RCOR3: variants seen among roughly 807,000 people sequenced by gnomAD.
RCOR3 encodes the protein REST corepressor 3.
Under a neutral mutation model 64.1 loss-of-function variants are expected in RCOR3, and 13 were observed. That is an observed-to-expected ratio of 0.20 (90% confidence interval 0.13 to 0.32). The LOEUF (loss-of-function observed/expected upper bound fraction) is 0.32, where lower values mean the gene tolerates loss of function less well. Among genes scored for constraint, RCOR3 ranks in the 10% least tolerant of loss-of-function variants. The pLI is 1.00. For synonymous variants in RCOR3, 215 were observed against 239.0 expected (o/e 0.90, Z 0.93); for missense variants, 489 against 701.2 (o/e 0.70, Z 3.42).
Position 211,259,669 on chromosome 1 carries a change from A to C in RCOR3, c.109A>C (p.Asn37His). The C allele has an allele frequency of 6.5e-7, 1 of 1,545,928 alleles. No individual in the cohort carries two copies. The highest frequency in any genetic ancestry group is 8.7e-7 in the Non-Finnish European group (1 of 1,144,922). The change falls in exon 1 of 12, where the codon AAC (asparagine) becomes CAC (histidine). Residue 37 changes from asparagine to histidine, a missense_variant. This residue lies in a region of RCOR3 where 87 missense variants were observed against 84.3 expected (regional missense o/e 1.03). Coordinates refer to ENST00000419091, the MANE Select transcript of RCOR3 (RefSeq NM_001136223.3). ...GGGGSGASST[N>H]GGLHYSEPES... ...CGGCGGCAGCGGCGCCTCGTCCACC[A>C]ACGGCGGGCTGCACTACTCAGAGCC...
At position 211,316,304 on chromosome 1, in the gene RCOR3, G is replaced by A. The variant is rs1275611110; in HGVS notation, c.*2536G>A. On this transcript the variant is annotated 3_prime_UTR_variant, in exon 12 of 12. Transcript: ENST00000419091. ...TGTAATATGGATGAGGTAAGAGTAA[G>A]TTATGATCAAACTTTTTATGTTCTT... The A allele has an allele frequency of 6.6e-6, 1 of 152,162 alleles. No homozygotes were observed. The highest frequency in any genetic ancestry group is 1.5e-5 in the Non-Finnish European group (1 of 68,018). 9.4% of individuals were successfully genotyped at this position (152,162 alleles called of 1,614,324 possible). A position where few individuals can be genotyped will look rare whatever the true frequency, so the allele number is the denominator to read the frequency against.
At chr1:211,277,354 G>T (rs1317942729) in intron 5 of RCOR3, among the ~76,000 whole-genome samples, 1 of 151,694 alleles carries the variant, frequency 6.6e-6, no homozygotes, top group Non-Finnish European at 1.5e-5. Context: ...ATTTTTGGTG[G>T]GGAAGTTGCA....
intron 4 of RCOR3, among the ~76,000 whole-genome samples, chr1:211,275,072 G>C (rs1204763566): frequency 6.6e-6 from 1 of 150,928 alleles, no homozygotes. Flanking sequence ...ACAAATATAT[G>C]GTACATTACC....
In RCOR3 at chr1:211,313,458, C is replaced by T; in HGVS notation, c.1352C>T (p.Pro451Leu). The stretch of plus-strand genomic sequence containing the variant: ...CCACAGGCTCCTCGGACACTGGGTC[C>T]ATCACCTCCTGCCCCATCATCCACT... ...QTPQAPRTLG[P>L]SPPAPSSTPT... The change falls in exon 12 of 12, where the codon CCA (proline) becomes CTA (leucine). Residue 451 changes from proline to leucine, a missense_variant. By Grantham distance (98) the Pro-to-Leu change is moderately conservative. Coordinates refer to ENST00000419091, the MANE Select transcript of RCOR3 (RefSeq NM_001136223.3). This position sits in a 1 kb window ranked among gnomAD's most constrained non-coding sequence, Gnocchi z 4.7. 1 of 1,614,000 alleles carries T rather than the reference C, an allele frequency of 6.2e-7. No individual in the cohort carries two copies. Among genetic ancestry groups the T allele is most frequent in the Non-Finnish European group, 8.5e-7 (1 of 1,179,926 alleles).
At chr1:211,274,857 C>G (rs1696732375) in intron 4 of RCOR3, among the ~76,000 whole-genome samples, 1 of 151,628 alleles carries the variant, frequency 6.6e-6, no homozygotes, top group African/African-American at 2.4e-5. Flanking sequence ...AAGAAATTAT[C>G]TCAATATTTT....
At position 211,296,737 on chromosome 1, in the gene RCOR3, C is replaced by T. The variant is rs569522019; in HGVS notation, c.1017+984C>T. Among the ~76,000 whole-genome samples, 13 of 152,226 alleles carry T rather than the reference C, an allele frequency of 8.5e-5. No homozygotes were observed. In the South Asian group the frequency reaches 2.7e-3, roughly 32 times the overall value. ...AAAAATAATACAAAGACTGATATCT[C>T]ATTCCTTGACCACAGGTAGACTGAC... On this transcript the variant is annotated intron_variant, in intron 9 of 11. Transcript: ENST00000419091.
chr1:211,287,528 CATCAG>C (rs1294928229), intron 7 of RCOR3, among the ~76,000 whole-genome samples: 2 of 152,190 alleles, frequency 1.3e-5, no homozygotes, highest in African/African-American at 4.8e-5. Flanking sequence ...TTTCTCTGAA[CATCAG>C]ATCCGCCATG....
intron 2 of RCOR3, among the ~76,000 whole-genome samples, chr1:211,268,213 G>A (rs1291022088): frequency 6.6e-6 from 1 of 152,040 alleles, no homozygotes; most frequent in Non-Finnish European, 1.5e-5. Flanking sequence ...TATGAATTAA[G>A]TAAAGGCTTC....
In RCOR3 at chr1:211,313,672, C is replaced by T. The variant is rs139368264; in HGVS notation, c.1566C>T (p.Pro522=). The part of the protein sequence containing the change: ...PLIRPANSMP[P]RLNPRPVLST... The stretch of plus-strand genomic sequence containing the variant: ...TTCGCCCTGCTAATTCCATGCCACC[C>T]CGTCTAAACCCAAGACCGGTGTTGT... The change falls in exon 12 of 12, where the codon CCC becomes CCT. Residue 522 remains proline (P), a synonymous_variant. Transcript: ENST00000419091. This position sits in a 1 kb window ranked among gnomAD's most constrained non-coding sequence, Gnocchi z 4.7. 4 of 1,614,224 alleles carry T rather than the reference C, an allele frequency of 2.5e-6. No homozygotes were observed. Among genetic ancestry groups the T allele is most frequent in the South Asian group, 1.1e-5 (1 of 91,092 alleles).
intron 6 of RCOR3, 90 bp downstream of exon 6, chr1:211,278,331 A>G: frequency 3.0e-6 from 4 of 1,334,406 alleles, no homozygotes; most frequent in South Asian, 1.3e-5. Flanking sequence ...ATCACAACAC[A>G]TTGTAAATAT....
chr1:211,297,949 G>C (rs1206982599), intron 9 of RCOR3, among the ~76,000 whole-genome samples: 1 of 152,134 alleles, frequency 6.6e-6, no homozygotes, highest in African/African-American at 2.4e-5. Context: ...TCTACTAAAA[G>C]TAAGCTGTTA....
chr1:211,284,302 G>T (rs896697275), intron 7 of RCOR3, among the ~76,000 whole-genome samples: 1 of 151,810 alleles, frequency 6.6e-6, no homozygotes, highest in Non-Finnish European at 1.5e-5. Flanking sequence ...GGATGGTCTC[G>T]ATCTCCTGAC....
intron 9 of RCOR3, among the ~76,000 whole-genome samples, chr1:211,300,861 A>G (rs1288798616): frequency 1.3e-5 from 2 of 152,124 alleles, no homozygotes; most frequent in Non-Finnish European, 2.9e-5. Flanking sequence ...TAGTTTCTGC[A>G]TGCCTTCTGT....
At chr1:211,300,341 A>G (rs1409646555) in intron 9 of RCOR3, among the ~76,000 whole-genome samples, 1 of 152,034 alleles carries the variant, frequency 6.6e-6, no homozygotes. Flanking sequence ...AAGTGCTAGG[A>G]TTACAGGTGT....
At chr1:211,269,427 CT>C (rs1695784278) in intron 2 of RCOR3, among the ~76,000 whole-genome samples, 1 of 151,962 alleles carries the variant, frequency 6.6e-6, no homozygotes, top group Non-Finnish European at 1.5e-5. Context: ...GAAACCCTGT[CT>C]CTACTAAAAA....
intron 7 of RCOR3, among the ~76,000 whole-genome samples, chr1:211,287,929 G>C (rs1419716395): frequency 6.6e-6 from 1 of 151,942 alleles, no homozygotes; most frequent in Non-Finnish European, 1.5e-5. Context: ...GGAGTATTAG[G>C]CCGGGCGTGT....
intron 4 of RCOR3, among the ~76,000 whole-genome samples, chr1:211,274,915 CA>C (rs771219293): frequency 3.3e-4 from 50 of 151,732 alleles, no homozygotes; most frequent in Admixed American, 7.2e-4. Context: ...TCTTTCTCTG[CA>C]TACAAAATAT....
intron 1 of RCOR3, 156 bp downstream of exon 1, chr1:211,259,882 G>A (rs942811657): frequency 2.1e-6 from 2 of 963,768 alleles, no homozygotes; most frequent in Non-Finnish European, 2.8e-6. Context: ...CAGCACCCCC[G>A]CGACCCCCCG....
intron 7 of RCOR3, among the ~76,000 whole-genome samples, chr1:211,288,280 T>G (rs891045424): frequency 5.9e-5 from 9 of 151,714 alleles, no homozygotes; most frequent in Non-Finnish European, 1.2e-4. Flanking sequence ...ATATAGTTTC[T>G]AGATTATTCT....
Sources: allele counts gnomAD v4.1 joint callset (sites outside exome capture counted in the v4.1 genomes callset), GRCh38; gene constraint gnomAD v4.1.1; regional missense constraint gnomAD v4.1.1; non-coding constraint Gnocchi (gnomAD v3.1); transcripts MANE v1.5; gene names NCBI Gene and HGNC (gene_info 2026-07-23, HGNC 2026-07-21).